The following IGSF11 variants were observed in gnomAD, a reference collection of about 807,000 sequenced individuals.
IGSF11 encodes CXADR like 1.
A neutral mutation model predicts 41.0 loss-of-function variants in IGSF11; 22 were observed. That is an observed-to-expected ratio of 0.54 (90% CI 0.38 to 0.77). IGSF11 has a LOEUF of 0.77. Among genes scored for constraint, IGSF11 ranks in the 30% least tolerant of loss-of-function variants. The pLI is 0.00. For missense variants in IGSF11, 444 were observed against 530.8 expected, an observed-to-expected ratio of 0.84 and a Z score of 1.61; for synonymous variants, 219 against 201.3, an observed-to-expected ratio of 1.09 and a Z score of -0.74.
chr3:118,937,210 T>C (rs1943350988), intron 1 of IGSF11, among the ~76,000 whole-genome samples: 1 of 152,234 alleles, frequency 6.6e-6, no homozygotes, highest in African/African-American at 2.4e-5. Context: ...TGCTTATTAG[T>C]TTATATCATC....
At chr3:119,007,358 C>G (rs1470161277) in intron 1 of IGSF11, among the ~76,000 whole-genome samples, 3 of 144,208 alleles carry the variant, frequency 2.1e-5, no homozygotes, top group Non-Finnish European at 4.5e-5. Flanking sequence ...CCTGCGCCCA[C>G]TGTCTGGCAC....
At chr3:118,979,381 A>G (rs1043675478) in intron 1 of IGSF11, among the ~76,000 whole-genome samples, 2 of 152,202 alleles carry the variant, frequency 1.3e-5, no homozygotes, top group African/African-American at 4.8e-5. Flanking sequence ...GAAAGAGATT[A>G]AGACATCCAG....
At chr3:118,945,866 A>T (rs1235454104) in intron 1 of IGSF11, 1 of 152,210 alleles carries the variant, frequency 6.6e-6, no homozygotes, top group African/African-American at 2.4e-5. Flanking sequence ...TTCTGTGCCT[A>T]GATTAAAATG....
chr3:118,977,412 T>C (rs1377887714), intron 1 of IGSF11, among the ~76,000 whole-genome samples: 11 of 152,182 alleles, frequency 7.2e-5, no homozygotes. Flanking sequence ...TGGGTATTAA[T>C]TCTTTAAAAA....
chr3:118,994,196 G>A lies in IGSF11; in HGVS notation c.52+40335C>T, dbSNP rs567967892. 2.6e-5 allele frequency among the ~76,000 whole-genome samples: 4 copies of A among 152,256 alleles called. No individual in the cohort carries two copies. The South Asian group carries it at 8.3e-4, about 32-fold the overall frequency. ...CAAGCATTAATCTAGAGTTGGGCTG[G>A]CTCTGGGGGCACCAGAGAACTCAAT... On this transcript the variant is annotated intron_variant, in intron 1 of 6. Transcript: ENST00000393775.
intron 1 of IGSF11, among the ~76,000 whole-genome samples, chr3:119,119,784 C>T (rs1365721971): frequency 6.6e-6 from 1 of 152,176 alleles, no homozygotes; most frequent in Non-Finnish European, 1.5e-5. Context: ...GGGTTATCCT[C>T]AGGCAATTAT....
Position 119,142,144 on chromosome 3 carries a change from G to A in IGSF11, c.-14+3669C>T, listed in dbSNP as rs765894449. On this transcript the variant is annotated intron_variant, in intron 1 of 7. Transcript: ENST00000425327. ...CAAAAAATTAGCTGGGCATGGTGGC[G>A]GGCACCTGTAGTCCCAGCTACTCGG... Among the ~76,000 whole-genome samples, 35 of 151,724 alleles carry A rather than the reference G, an allele frequency of 2.3e-4. 1 individual carries two copies. Among genetic ancestry groups the A allele is most frequent in the South Asian group, 4.2e-4 (2 of 4,790 alleles).
chr3:118,906,147 T>C (rs781524806), intron 4 of IGSF11, among the ~76,000 whole-genome samples: 4 of 152,222 alleles, frequency 2.6e-5, no homozygotes, highest in African/African-American at 4.8e-5. Flanking sequence ...ATCTGTGCTC[T>C]AAGGTATAGA....
chr3:118,928,814 C>T lies in IGSF11; in HGVS notation c.217-98G>A, dbSNP rs1000039251. ...AGACAGTACCAAATGCTGCACCAAA[C>T]ATTGGAAAATTTTATTTCTAATATG... On this transcript the variant is annotated intron_variant, in intron 2 of 6. Transcript: ENST00000393775. 22 of 834,114 alleles carry T rather than the reference C, an allele frequency of 2.6e-5. No homozygotes were observed. In the Middle Eastern group the frequency reaches 7.2e-4, roughly 27 times the overall value. 51.7% of individuals were successfully genotyped at this position (834,114 alleles called of 1,614,324 possible). A position where few individuals can be genotyped will look rare whatever the true frequency, so the allele number is the denominator to read the frequency against.
intron 1 of IGSF11, among the ~76,000 whole-genome samples, chr3:118,967,521 C>A (rs749334314): frequency 1.3e-5 from 2 of 152,132 alleles, no homozygotes; most frequent in South Asian, 2.1e-4. Flanking sequence ...CCATCTCCTG[C>A]TATTCTCCCC....
chr3:119,083,753 C>T (rs902312710), intron 1 of IGSF11, among the ~76,000 whole-genome samples: 2 of 152,180 alleles, frequency 1.3e-5, no homozygotes, highest in Non-Finnish European at 2.9e-5. Context: ...ATAGCACATA[C>T]AATTATGTGC....
chr3:118,981,307 C>T (rs568537933), intron 1 of IGSF11, among the ~76,000 whole-genome samples: 4 of 152,154 alleles, frequency 2.6e-5, no homozygotes, highest in Non-Finnish European at 4.4e-5. Flanking sequence ...GTAGCTGGGA[C>T]TACAGGCACA....
intron 4 of IGSF11, among the ~76,000 whole-genome samples, chr3:118,917,811 G>C (rs1171517395): frequency 6.6e-6 from 1 of 151,182 alleles, no homozygotes; most frequent in Non-Finnish European, 1.5e-5. Flanking sequence ...CCAAAAAAGA[G>C]AATTTTAGGC....
intron 1 of IGSF11, among the ~76,000 whole-genome samples, chr3:119,010,118 G>T (rs1334628483): frequency 6.6e-6 from 1 of 152,116 alleles, no homozygotes; most frequent in Non-Finnish European, 1.5e-5. Flanking sequence ...CCTCCTTCTG[G>T]GGCGCTGTGA....
At chr3:118,932,315 A>C (rs1257208600) in intron 1 of IGSF11, among the ~76,000 whole-genome samples, 1 of 152,216 alleles carries the variant, frequency 6.6e-6, no homozygotes, top group African/African-American at 2.4e-5. Flanking sequence ...TTTTACTTTG[A>C]AGTGATAGTA....
intron 1 of IGSF11, among the ~76,000 whole-genome samples, chr3:119,126,779 G>A (rs2077409787): frequency 6.6e-6 from 1 of 152,074 alleles, no homozygotes; most frequent in Non-Finnish European, 1.5e-5. Flanking sequence ...CCCTAAAGAA[G>A]AGGGACCTGA....
At chr3:119,042,684 A>T (rs1941165482) in intron 1 of IGSF11, among the ~76,000 whole-genome samples, 1 of 151,658 alleles carries the variant, frequency 6.6e-6, no homozygotes, top group South Asian at 2.1e-4. Context: ...TTCTCTACTC[A>T]CTCTGGTAGC....
chr3:118,905,460 T>C (rs1939473657), intron 5 of IGSF11, 136 bp downstream of exon 5: 1 of 932,202 alleles, frequency 1.1e-6, no homozygotes, highest in Non-Finnish European at 1.6e-6. Flanking sequence ...TTTTCAATAA[T>C]AATTAAAACC....
At chr3:119,050,530 A>T (rs1471971419) in intron 1 of IGSF11, among the ~76,000 whole-genome samples, 1 of 151,686 alleles carries the variant, frequency 6.6e-6, no homozygotes, top group Admixed American at 6.6e-5. Flanking sequence ...AAATAGGAAC[A>T]CTTTTACACT....
Sources: gnomAD v4.1 joint callset for allele counts (sites outside exome capture counted in the v4.1 genomes callset) on GRCh38, gnomAD v4.1.1 for gene constraint, MANE v1.5 for transcripts, NCBI Gene and HGNC (gene_info 2026-07-23, HGNC 2026-07-21) for gene names.